Variants in CNTLN observed in about 807,000 individuals in gnomAD.
CNTLN encodes the protein centlein, also known as centlein, centrosomal protein.
CNTLN carries 212 observed loss-of-function variants against 180.0 expected under a neutral mutation model. The ratio of observed to expected loss-of-function variants is 1.18; its 90% CI spans 1.05 to 1.32. The LOEUF (loss-of-function observed/expected upper bound fraction) is 1.32. CNTLN is among the 40% of genes most tolerant of loss of function. The probability of loss-of-function intolerance (pLI) is 0.00; values close to 1 mark genes in which losing one functional copy is unlikely to be tolerated. For synonymous variants in CNTLN, 722 were observed against 563.1 expected (o/e 1.28, Z -3.99); for missense variants, 2,095 against 1,610.9 (o/e 1.30, Z -5.14).
chr9:17,411,886 T>C (rs1002395255), intron 16 of CNTLN, among the ~76,000 whole-genome samples: 1 of 152,132 alleles, frequency 6.6e-6, no homozygotes, highest in Admixed American at 6.5e-5. Flanking sequence ...TTCCATGTCA[T>C]TGGAGATCAC....
At chr9:17,501,533 C>G (rs909783951) in intron 25 of CNTLN, among the ~76,000 whole-genome samples, 3 of 152,224 alleles carry the variant, frequency 2.0e-5, no homozygotes, top group Non-Finnish European at 4.4e-5. Flanking sequence ...TAGCTGAGGA[C>G]CCAGACAAAG....
intron 7 of CNTLN, among the ~76,000 whole-genome samples, chr9:17,307,435 A>AT (rs1459320972): frequency 6.6e-6 from 1 of 151,868 alleles, no homozygotes; most frequent in Non-Finnish European, 1.5e-5. Flanking sequence ...CGCCTGGGTA[A>AT]TTTTTTGTAT....
At chr9:17,420,731 C>T (rs1261970586) in intron 18 of CNTLN, among the ~76,000 whole-genome samples, 4 of 151,862 alleles carry the variant, frequency 2.6e-5, no homozygotes, top group African/African-American at 9.7e-5. Context: ...TTGCTGTGTT[C>T]CATAGGTCTT....
chr9:17,399,080 G>T (rs1442208901), intron 15 of CNTLN, among the ~76,000 whole-genome samples: 4 of 152,152 alleles, frequency 2.6e-5, no homozygotes, highest in Non-Finnish European at 4.4e-5. Flanking sequence ...ACAATTTGCT[G>T]TTCCTTGGGA....
At chr9:17,325,892 A>G (rs1205151712) in intron 8 of CNTLN, among the ~76,000 whole-genome samples, 1 of 152,080 alleles carries the variant, frequency 6.6e-6, no homozygotes, top group African/African-American at 2.4e-5. Context: ...TGTAATTATT[A>G]TAGCTGTGAA....
intron 12 of CNTLN, among the ~76,000 whole-genome samples, chr9:17,356,063 CAAAAAAA>C (rs71492915): frequency 5.1e-5 from 1 of 19,606 alleles, no homozygotes; most frequent in East Asian, 1.3e-3. Flanking sequence ...GACTCCATCT[CAAAAAAA>C]AAAAAAAAAA....
At chr9:17,367,908 C>G (rs542926662) in intron 13 of CNTLN, among the ~76,000 whole-genome samples, 4 of 151,652 alleles carry the variant, frequency 2.6e-5, no homozygotes, top group Non-Finnish European at 5.9e-5. Flanking sequence ...CAGGTGAAAC[C>G]CAGGGCATCC....
chr9:17,308,993 C>T, intron 7 of CNTLN, 65 bp from the exon 8 acceptor site: 1 of 1,104,188 alleles, frequency 9.1e-7, no homozygotes, highest in Non-Finnish European at 1.3e-6. Context: ...CACACACACA[C>T]ACAGACACAC....
chr9:17,276,693 C>A (rs1366604859), intron 6 of CNTLN, among the ~76,000 whole-genome samples: 2 of 152,118 alleles, frequency 1.3e-5, no homozygotes, highest in East Asian at 3.9e-4. Flanking sequence ...CTAAAATCTA[C>A]AGATGCTCAA....
intron 2 of CNTLN, among the ~76,000 whole-genome samples, chr9:17,211,432 G>T (rs149762004): frequency 0.011 from 1,599 of 152,244 alleles, 31 homozygotes; most frequent in African/African-American, 0.037. Context: ...TTTGGTACCA[G>T]TACCATGCTG....
At chr9:17,387,649 T>C (rs78167538) in intron 13 of CNTLN, among the ~76,000 whole-genome samples, 3,014 of 152,134 alleles carry the variant, frequency 0.02, 95 homozygotes, top group African/African-American at 0.068. Context: ...GAGTGATTTG[T>C]ATGGTTTACC....
intron 12 of CNTLN, among the ~76,000 whole-genome samples, chr9:17,354,696 T>G (rs543343045): frequency 6.6e-6 from 1 of 152,170 alleles, no homozygotes; most frequent in South Asian, 2.1e-4. Context: ...AGAGGCCACT[T>G]GGCTCTACCA....
At chr9:17,273,261 C>G (rs1828072890) in intron 5 of CNTLN, among the ~76,000 whole-genome samples, 1 of 152,124 alleles carries the variant, frequency 6.6e-6, no homozygotes, top group Non-Finnish European at 1.5e-5. Flanking sequence ...GAGAATTGAA[C>G]ACGATCTGAG....
At chr9:17,353,161 G>C (rs1173396580) in intron 12 of CNTLN, among the ~76,000 whole-genome samples, 1 of 151,944 alleles carries the variant, frequency 6.6e-6, no homozygotes, top group African/African-American at 2.4e-5. Context: ...TCACTTTGTT[G>C]CCTAGGCTAG....
At chr9:17,401,518 C>T (rs535576812) in intron 15 of CNTLN, among the ~76,000 whole-genome samples, 5 of 148,426 alleles carry the variant, frequency 3.4e-5, no homozygotes, top group East Asian at 1.9e-4. Context: ...GACTACAGCA[C>T]GTGCTACCGT....
chr9:17,351,368 A>G (rs1822347128), intron 12 of CNTLN, among the ~76,000 whole-genome samples: 1 of 152,156 alleles, frequency 6.6e-6, no homozygotes, highest in Admixed American at 6.5e-5. Context: ...CTCTTTCTGA[A>G]CTGCAACTAA....
chr9:17,266,046 T>A (rs553874241), intron 5 of CNTLN, among the ~76,000 whole-genome samples: 14 of 152,326 alleles, frequency 9.2e-5, no homozygotes, highest in Admixed American at 3.3e-4. Flanking sequence ...CCTTCAGTTC[T>A]GCTCTGATGT....
chr9:17,148,520 T>C (rs573620533), intron 2 of CNTLN, among the ~76,000 whole-genome samples: 1 of 152,244 alleles, frequency 6.6e-6, no homozygotes, highest in Non-Finnish European at 1.5e-5. Flanking sequence ...AAAGCTTATC[T>C]AACCCATTGT....
chr9:17,356,087 A>G (rs530385064), intron 12 of CNTLN, among the ~76,000 whole-genome samples: 1 of 151,880 alleles, frequency 6.6e-6, no homozygotes, highest in Non-Finnish European at 1.5e-5. Flanking sequence ...AAAAAGAAAA[A>G]GGAAATCAGT....
Sources: gnomAD v4.1 joint callset for allele counts (sites outside exome capture counted in the v4.1 genomes callset) on GRCh38, gnomAD v4.1.1 for gene constraint, MANE v1.5 for transcripts, NCBI Gene and HGNC (gene_info 2026-07-23, HGNC 2026-07-21) for gene names.